MACROD1: variants seen among roughly 807,000 people sequenced by gnomAD.
MACROD1 encodes mono-ADP ribosylhydrolase 1.
MACROD1 carries 31 observed loss-of-function variants against 41.4 expected under a neutral mutation model. That is an observed-to-expected ratio of 0.75 (90% CI 0.56 to 1.01). The LOEUF is 1.01. MACROD1 is among the 50% of genes least tolerant of loss of function. The probability of loss-of-function intolerance (pLI) is 0.00; values close to 1 mark genes in which losing one functional copy is unlikely to be tolerated. For missense variants in MACROD1, 473 were observed against 460.0 expected (o/e 1.03, Z -0.26); for synonymous variants, 252 against 203.4 (o/e 1.24, Z -2.03).
At chr11:64,145,877 C>T (rs1024403323) in intron 3 of MACROD1, among the ~76,000 whole-genome samples, 1 of 151,522 alleles carries the variant, frequency 6.6e-6, no homozygotes, top group Non-Finnish European at 1.5e-5. Context: ...TCAAGCAATT[C>T]TTCTGCCGCA....
chr11:64,120,102 C>G lies in MACROD1; in HGVS notation c.517+31137G>C, dbSNP rs1441551169. Among the ~76,000 whole-genome samples, 1 of 152,152 alleles carries G rather than the reference C, an allele frequency of 6.6e-6. No homozygotes were observed. Among genetic ancestry groups the G allele is most frequent in the Non-Finnish European group, 1.5e-5 (1 of 68,030 alleles). ...AGCAAAGGCAGAAGCAGCAGCGGGGCAGGGGTTACGTTAAAAGGCCCGACC... is the reference window on the plus strand; with the variant it reads ...AGCAAAGGCAGAAGCAGCAGCGGGGGAGGGGTTACGTTAAAAGGCCCGACC... On this transcript the variant is annotated intron_variant, in intron 3 of 10. Coordinates refer to ENST00000255681, the MANE Select transcript of MACROD1 (RefSeq NM_014067.4). This position sits in a 1 kb window ranked among gnomAD's most constrained non-coding sequence, Gnocchi z 4.5.
At chr11:64,006,910 T>C (rs1942922071) in intron 4 of MACROD1, among the ~76,000 whole-genome samples, 1 of 152,258 alleles carries the variant, frequency 6.6e-6, no homozygotes, top group African/African-American at 2.4e-5. Flanking sequence ...GGTGGCCATG[T>C]CGTAAGTACT....
intron 3 of MACROD1, among the ~76,000 whole-genome samples, chr11:64,105,136 G>A (rs558889449): frequency 5.9e-5 from 9 of 152,360 alleles, no homozygotes; most frequent in Admixed American, 2.6e-4. Flanking sequence ...GATGCCCTGC[G>A]GATGGGCTAT....
At chr11:64,023,552 A>G (rs985068102) in intron 3 of MACROD1, among the ~76,000 whole-genome samples, 1 of 152,072 alleles carries the variant, frequency 6.6e-6, no homozygotes, top group Non-Finnish European at 1.5e-5. Flanking sequence ...AGGGAGAAGG[A>G]TTTGAACCCC....
intron 3 of MACROD1, among the ~76,000 whole-genome samples, chr11:64,037,541 A>G (rs947940628): frequency 6.6e-6 from 1 of 152,036 alleles, no homozygotes; most frequent in African/African-American, 2.4e-5. Flanking sequence ...CTGGGAGGGG[A>G]CGCTGCCTAG....
chr11:64,101,080 T>C (rs1944662335), intron 3 of MACROD1, among the ~76,000 whole-genome samples: 1 of 152,000 alleles, frequency 6.6e-6, no homozygotes, highest in Non-Finnish European at 1.5e-5. Flanking sequence ...CTTTTCATGC[T>C]CCGTTGTTGC....
chr11:64,009,454 A>G (rs1413507869), intron 4 of MACROD1, among the ~76,000 whole-genome samples: 1 of 152,126 alleles, frequency 6.6e-6, no homozygotes, highest in Non-Finnish European at 1.5e-5. Context: ...TCGGGACCCA[A>G]GTCAAATGCT....
intron 4 of MACROD1, among the ~76,000 whole-genome samples, chr11:64,011,732 C>T (rs984066485): frequency 6.6e-6 from 1 of 151,112 alleles, no homozygotes; most frequent in African/African-American, 2.4e-5. Context: ...GGCCCTTGTG[C>T]GTGTTCGAAC....
At chr11:64,039,640 TG>T (rs938639784) in intron 3 of MACROD1, among the ~76,000 whole-genome samples, 3 of 152,324 alleles carry the variant, frequency 2.0e-5, no homozygotes, top group African/African-American at 7.2e-5. Flanking sequence ...TGGAGTTCTC[TG>T]GCAGCAGCTG....
chr11:64,016,418 C>T (rs1268760415), intron 3 of MACROD1, among the ~76,000 whole-genome samples: 1 of 152,278 alleles, frequency 6.6e-6, no homozygotes, highest in African/African-American at 2.4e-5. Flanking sequence ...GGAGTCCTGG[C>T]TCCCAGACAG....
chr11:64,154,256 GT>G (rs1222802244), intron 1 of MACROD1, among the ~76,000 whole-genome samples: 1 of 152,046 alleles, frequency 6.6e-6, no homozygotes, highest in Non-Finnish European at 1.5e-5. Flanking sequence ...AAAACAGAAC[GT>G]TTGACTCTTT....
At chr11:64,077,422 C>T (rs1055133573) in intron 3 of MACROD1, among the ~76,000 whole-genome samples, 11 of 152,200 alleles carry the variant, frequency 7.2e-5, no homozygotes, top group African/African-American at 1.4e-4. Flanking sequence ...GCCCCGTCCT[C>T]GGATTTTCCC....
chr11:64,025,171 G>A (rs546889975), intron 3 of MACROD1, among the ~76,000 whole-genome samples: 162 of 152,210 alleles, frequency 1.1e-3, no homozygotes, highest in African/African-American at 3.9e-3. Context: ...TAGAGACGGG[G>A]TTTCACCATG....
intron 3 of MACROD1, among the ~76,000 whole-genome samples, chr11:64,145,101 C>T (rs976602656): frequency 6.6e-6 from 1 of 152,146 alleles, no homozygotes; most frequent in African/African-American, 2.4e-5. Flanking sequence ...GGGAGGAGGG[C>T]GGTGATAAGC....
At chr11:64,126,296 C>G (rs1314128842) in intron 3 of MACROD1, among the ~76,000 whole-genome samples, 1 of 152,144 alleles carries the variant, frequency 6.6e-6, no homozygotes, top group African/African-American at 2.4e-5. Flanking sequence ...GGGGAGGAAG[C>G]CACACGGCCC....
intron 3 of MACROD1, among the ~76,000 whole-genome samples, chr11:64,052,762 C>A (rs948138411): frequency 6.6e-6 from 1 of 152,238 alleles, no homozygotes; most frequent in Non-Finnish European, 1.5e-5. Context: ...TGATGTAAAC[C>A]TGATTCTCCT....
intron 3 of MACROD1, chr11:64,138,403 C>T (rs1945361137): frequency 1.6e-6 from 1 of 632,592 alleles, no homozygotes; most frequent in Non-Finnish European, 2.0e-6. Flanking sequence ...ACAATTGAAG[C>T]TGCAAAGCTC....
rs1228233459 is a variant in MACROD1, at chr11:64,126,762, T to A, written c.517+24477A>T. On this transcript the variant is annotated intron_variant, in intron 3 of 10. Coordinates refer to ENST00000255681, the MANE Select transcript of MACROD1 (RefSeq NM_014067.4). ...CCCGGGTCAGAGGGAGCAGGCCTGA[T>A]CTCTCCCAAGCCTGTGACCGAGGTC... is the stretch of plus-strand genomic sequence containing the variant. 3 of 150,394 alleles carry A rather than the reference T, an allele frequency of 2.0e-5. No homozygotes were observed. In the East Asian group the frequency reaches 5.8e-4, roughly 29 times the overall value. The allele number at this position is 150,394 out of a possible 1,614,324, so 9.3% of individuals were successfully genotyped here.
chr11:64,076,032 C>T (rs1362721324), intron 3 of MACROD1, among the ~76,000 whole-genome samples: 1 of 152,218 alleles, frequency 6.6e-6, no homozygotes, highest in Non-Finnish European at 1.5e-5. Flanking sequence ...GCCCTGGTTC[C>T]AAGTCGCTCT....
Sources: allele counts gnomAD v4.1 joint callset (sites outside exome capture counted in the v4.1 genomes callset), GRCh38; gene constraint gnomAD v4.1.1; non-coding constraint Gnocchi (gnomAD v3.1); transcripts MANE v1.5; gene names NCBI Gene and HGNC (gene_info 2026-07-23, HGNC 2026-07-21).